The following ANK3 variants were observed in gnomAD, a reference collection of about 807,000 sequenced individuals.
The protein encoded by ANK3 is ankyrin-3.
Under a neutral mutation model 370.9 loss-of-function variants are expected in ANK3, and 57 were observed. The ratio of observed to expected loss-of-function variants is 0.15; its 90% CI spans 0.12 to 0.19. The LOEUF is 0.19. Ranked by LOEUF, ANK3 falls within the 10% of genes least tolerant of loss-of-function variation. The pLI is 1.00. For missense variants in ANK3, 4,439 were observed against 5,302.1 expected (o/e 0.84, Z 5.06); for synonymous variants, 1,929 against 1,946.3 (o/e 0.99, Z 0.23).
At position 60,389,763 on chromosome 10, in the gene ANK3, C is replaced by T. The variant is rs370259118; in HGVS notation, c.-225G>A. 4.9e-5 allele frequency: 68 copies of T among 1,390,750 alleles called. No individual in the cohort carries two copies. The Middle Eastern group carries it at 1.3e-3, about 27-fold the overall frequency. 86.2% of individuals were successfully genotyped at this position (1,390,750 alleles called of 1,614,324 possible). Reference sequence around the variant, plus strand: ...ATCCTACACCTTCCTCTACCTGAACCTTTACAGGAGAGTGCAGCCATCGTA... The same window carrying T: ...ATCCTACACCTTCCTCTACCTGAACTTTTACAGGAGAGTGCAGCCATCGTA... On this transcript the variant is annotated 5_prime_UTR_variant, in exon 1 of 44. Coordinates refer to ENST00000280772, the MANE Select transcript of ANK3 (RefSeq NM_020987.5).
chr10:60,642,646 G>A (rs917022570), intron 1 of ANK3, among the ~76,000 whole-genome samples: 4 of 149,570 alleles, frequency 2.7e-5, no homozygotes, highest in Non-Finnish European at 4.5e-5. Context: ...GTGGGGGGGC[G>A]AGGGATAGCA....
intron 1 of ANK3, among the ~76,000 whole-genome samples, chr10:60,379,337 C>T (rs1245644914): frequency 6.6e-6 from 1 of 152,048 alleles, no homozygotes; most frequent in Non-Finnish European, 1.5e-5. Context: ...AATAGAACTA[C>T]CATATGATTC....
At chr10:60,265,986 C>A (rs965105588) in intron 5 of ANK3, among the ~76,000 whole-genome samples, 1 of 152,122 alleles carries the variant, frequency 6.6e-6, no homozygotes, top group African/African-American at 2.4e-5. Context: ...TCTATGTATA[C>A]AAATCCCCTC....
At chr10:60,085,684 C>T (rs866306356) in intron 30 of ANK3, among the ~76,000 whole-genome samples, 1 of 143,440 alleles carries the variant, frequency 7.0e-6, no homozygotes, top group Non-Finnish European at 1.5e-5. Flanking sequence ...GGTGCGATCT[C>T]GGCTCACTGC....
chr10:60,556,163 A>G (rs1369052610), intron 2 of ANK3, among the ~76,000 whole-genome samples: 1 of 152,222 alleles, frequency 6.6e-6, no homozygotes, highest in Non-Finnish European at 1.5e-5. Flanking sequence ...TGATAATTAC[A>G]TACTATTTGA....
At chr10:60,641,159 T>C (rs1200078529) in intron 1 of ANK3, among the ~76,000 whole-genome samples, 1 of 149,556 alleles carries the variant, frequency 6.7e-6, no homozygotes, top group South Asian at 2.2e-4. Context: ...GAACATTCCA[T>C]GCTCATGGAT....
Position 60,075,330 on chromosome 10 carries a change from C to T in ANK3, c.5551G>A (p.Ala1851Thr). ...DSNSFTKSAA[A>T]LLSPIKTLTT... The stretch of plus-strand genomic sequence containing the variant: ...AATGTTTTAATGGGTGACAGCAAGG[C>T]TGCTGCTGATTTTGTAAATGAATTA... The change falls in exon 37 of 44, where the codon GCC becomes ACC. Residue 1851 changes from alanine to threonine, a missense_variant. Ala to Thr is a moderately conservative substitution (Grantham distance 58). Coordinates refer to ENST00000280772, the MANE Select transcript of ANK3 (RefSeq NM_020987.5). 1 of 1,614,126 alleles carries T rather than the reference C, an allele frequency of 6.2e-7. No homozygotes were observed. Among genetic ancestry groups the T allele is most frequent in the Non-Finnish European group, 8.5e-7 (1 of 1,180,016 alleles).
intron 25 of ANK3, among the ~76,000 whole-genome samples, chr10:60,128,836 A>T (rs889864393): frequency 1.3e-5 from 2 of 152,230 alleles, no homozygotes; most frequent in African/African-American, 4.8e-5. Context: ...TACCACCATT[A>T]TATCTCCTGA....
At chr10:60,698,628 C>T (rs983214551) in intron 1 of ANK3, among the ~76,000 whole-genome samples, 1 of 148,620 alleles carries the variant, frequency 6.7e-6, no homozygotes, top group African/African-American at 2.5e-5. Flanking sequence ...TGGAAATCAT[C>T]ATTCTCAGTA....
Position 60,078,705 on chromosome 10 carries a change from G to T in ANK3, c.4432+1832C>A, listed in dbSNP as rs541881474. Among the ~76,000 whole-genome samples, 176 of 152,258 alleles carry T rather than the reference G, an allele frequency of 1.2e-3. 1 individual carries two copies. Among genetic ancestry groups the T allele is most frequent in the Non-Finnish European group, 1.9e-3 (131 of 68,024 alleles). ...CTAATCCAGAATCTTTTTCCTGGGG[G>T]GAAGGGGTTGGAAAGGCAGCGTGGT... On this transcript the variant is annotated intron_variant, in intron 36 of 43. Transcript: ENST00000280772.
At chr10:60,436,581 T>C (rs2064164425) in intron 2 of ANK3, among the ~76,000 whole-genome samples, 1 of 152,330 alleles carries the variant, frequency 6.6e-6, no homozygotes, top group African/African-American at 2.4e-5. Flanking sequence ...TTTCATGTCG[T>C]TGTTGGCCAT....
At chr10:60,568,766 C>A (rs1161666648) in intron 2 of ANK3, among the ~76,000 whole-genome samples, 1 of 151,836 alleles carries the variant, frequency 6.6e-6, no homozygotes, top group African/African-American at 2.4e-5. Flanking sequence ...AAAATTCTAA[C>A]CCCCAATGTG....
chr10:60,307,498 A>AT (rs199758262), intron 1 of ANK3, among the ~76,000 whole-genome samples: 2,805 of 143,348 alleles, frequency 0.02, 65 homozygotes, highest in African/African-American at 0.065. Flanking sequence ...ATGCCTGGCT[A>AT]TTTTTTTTTT....
intron 1 of ANK3, among the ~76,000 whole-genome samples, chr10:60,656,833 C>T (rs971250663): frequency 2.0e-5 from 3 of 152,040 alleles, no homozygotes; most frequent in Admixed American, 1.3e-4. Context: ...TCATAACTCA[C>T]TGCAGCCTTG....
At position 60,686,147 on chromosome 10, in the gene ANK3, C is replaced by A. The variant is rs144989198; in HGVS notation, c.57+47116G>T. On this transcript the variant is annotated intron_variant, in intron 1 of 43. Coordinates refer to the ANK3 transcript ENST00000373827. Reference sequence around the variant, plus strand: ...AGTGTGTATGGAGGTCACTATTAGACATCAAGAGTGTTTACAAACCTTAGT... The same window carrying A: ...AGTGTGTATGGAGGTCACTATTAGAAATCAAGAGTGTTTACAAACCTTAGT... Among the ~76,000 whole-genome samples, 117 of 152,076 alleles carry A rather than the reference C, an allele frequency of 7.7e-4. 1 individual carries two copies. Among genetic ancestry groups the A allele is most frequent in the African/African-American group, 2.5e-3 (105 of 41,500 alleles).
At chr10:60,341,562 T>A (rs2054283807) in intron 1 of ANK3, among the ~76,000 whole-genome samples, 1 of 152,184 alleles carries the variant, frequency 6.6e-6, no homozygotes, top group African/African-American at 2.4e-5. Flanking sequence ...AGAATTGTAT[T>A]CATGGTCTTG....
chr10:60,458,812 C>T (rs368129968), intron 2 of ANK3, among the ~76,000 whole-genome samples: 27 of 152,104 alleles, frequency 1.8e-4, no homozygotes, highest in Middle Eastern at 3.4e-3. Context: ...TGTGTGAAGA[C>T]GATGGGGTCA....
At chr10:60,416,366 A>G (rs1456547922) in intron 2 of ANK3, among the ~76,000 whole-genome samples, 2 of 152,220 alleles carry the variant, frequency 1.3e-5, no homozygotes, top group Non-Finnish European at 2.9e-5. Flanking sequence ...AGCCAGACAC[A>G]TGTATCTGTG....
intron 1 of ANK3, among the ~76,000 whole-genome samples, chr10:60,644,197 C>T (rs1050486528): frequency 3.3e-5 from 5 of 152,166 alleles, no homozygotes; most frequent in African/African-American, 7.2e-5. Context: ...TATCTACACT[C>T]ACCATGCAGG....
Sources: gnomAD v4.1 joint callset for allele counts (sites outside exome capture counted in the v4.1 genomes callset) on GRCh38, gnomAD v4.1.1 for gene constraint, MANE v1.5 for transcripts, NCBI Gene and HGNC (gene_info 2026-07-23, HGNC 2026-07-21) for gene names.